NTM: variants seen among roughly 807,000 people sequenced by gnomAD.
NTM encodes the protein IgLON family member 2.
NTM carries 13 observed loss-of-function variants against 42.1 expected under a neutral mutation model. The ratio of observed to expected loss-of-function variants is 0.31; its 90% CI spans 0.20 to 0.49. NTM has a LOEUF of 0.49. NTM is among the 20% of genes least tolerant of loss of function. NTM has a pLI of 0.99. For missense variants in NTM, 373 were observed against 452.8 expected, an observed-to-expected ratio of 0.82 and a Z score of 1.60; for synonymous variants, 187 against 179.2, an observed-to-expected ratio of 1.04 and a Z score of -0.35.
At chr11:131,437,472 G>A (rs993607183) in intron 1 of NTM, among the ~76,000 whole-genome samples, 4 of 152,154 alleles carry the variant, frequency 2.6e-5, no homozygotes, top group Non-Finnish European at 4.4e-5. Context: ...GTGCTCCTGT[G>A]TTGGGTGCAT....
chr11:131,945,155 T>C (rs1357511622), intron 2 of NTM, among the ~76,000 whole-genome samples: 1 of 152,240 alleles, frequency 6.6e-6, no homozygotes, highest in African/African-American at 2.4e-5. Flanking sequence ...ATTCACAAAA[T>C]TGCATAAGTC....
intron 1 of NTM, among the ~76,000 whole-genome samples, chr11:131,818,289 G>C (rs1282908785): frequency 6.6e-6 from 1 of 152,048 alleles, no homozygotes; most frequent in Non-Finnish European, 1.5e-5. Context: ...ATTGACTTTG[G>C]GAAATAGGTA....
chr11:131,996,692 C>T (rs1158454278), intron 2 of NTM, among the ~76,000 whole-genome samples: 2 of 150,904 alleles, frequency 1.3e-5, no homozygotes, highest in East Asian at 2.0e-4. Flanking sequence ...CGTCTTCATA[C>T]TTGCTTTACC....
At chr11:131,490,228 C>T (rs955477470) in intron 1 of NTM, among the ~76,000 whole-genome samples, 2 of 152,210 alleles carry the variant, frequency 1.3e-5, no homozygotes, top group Non-Finnish European at 2.9e-5. Flanking sequence ...CAAATGTCAA[C>T]ATGAGGCGTG....
At chr11:131,843,402 GT>G (rs1342743336) in intron 1 of NTM, among the ~76,000 whole-genome samples, 1 of 152,108 alleles carries the variant, frequency 6.6e-6, no homozygotes, top group Non-Finnish European at 1.5e-5. Flanking sequence ...TACTTGCCTT[GT>G]TTATGTAACT....
chr11:131,822,815 C>T (rs1366503036), intron 1 of NTM, among the ~76,000 whole-genome samples: 3 of 149,652 alleles, frequency 2.0e-5, no homozygotes, highest in African/African-American at 2.5e-5. Context: ...GGGTTTTCAA[C>T]GTTCAAGGAC....
intron 1 of NTM, among the ~76,000 whole-genome samples, chr11:131,544,711 AG>A (rs1370533157): frequency 6.6e-6 from 1 of 152,144 alleles, no homozygotes; most frequent in Non-Finnish European, 1.5e-5. Context: ...CTAAAGTTGG[AG>A]AATGTTTTAT....
chr11:131,497,729 T>G (rs891436990), intron 1 of NTM, among the ~76,000 whole-genome samples: 14 of 152,220 alleles, frequency 9.2e-5, no homozygotes, highest in African/African-American at 3.4e-4. Context: ...TATCAGTATG[T>G]TCAGCTTCCC....
chr11:131,729,363 G>A (rs1054773245), intron 1 of NTM, among the ~76,000 whole-genome samples: 1 of 152,100 alleles, frequency 6.6e-6, no homozygotes, highest in African/African-American at 2.4e-5. Context: ...AATGAAGATG[G>A]GATGTCGAAA....
chr11:131,460,785 C>T (rs1281177883), intron 1 of NTM, among the ~76,000 whole-genome samples: 1 of 152,150 alleles, frequency 6.6e-6, no homozygotes, highest in Non-Finnish European at 1.5e-5. Context: ...AACTCCTGAC[C>T]TCAAATGATC....
At chr11:131,765,702 C>T (rs2084989026) in intron 1 of NTM, among the ~76,000 whole-genome samples, 1 of 152,214 alleles carries the variant, frequency 6.6e-6, no homozygotes, top group Admixed American at 6.5e-5. Flanking sequence ...CCGGGCCCGG[C>T]TTCACAGTCA....
intron 1 of NTM, among the ~76,000 whole-genome samples, chr11:131,808,606 G>A (rs1247730664): frequency 6.6e-6 from 1 of 152,238 alleles, no homozygotes; most frequent in Non-Finnish European, 1.5e-5. Context: ...TGGACCAGGT[G>A]TTGGTCCGGG....
intron 1 of NTM, among the ~76,000 whole-genome samples, chr11:131,887,416 T>C (rs1451723229): frequency 2.6e-5 from 4 of 152,208 alleles, no homozygotes; most frequent in Non-Finnish European, 5.9e-5. Context: ...CCTTGTGGGC[T>C]TCTTTCTGGC....
intron 1 of NTM, among the ~76,000 whole-genome samples, chr11:131,899,552 A>T (rs2052809451): frequency 6.6e-6 from 1 of 152,216 alleles, no homozygotes; most frequent in African/African-American, 2.4e-5. Context: ...ACATAAATTC[A>T]GATGTCCGAG....
At chr11:132,317,025 G>C (rs186526376) in intron 7 of NTM, among the ~76,000 whole-genome samples, 3 of 152,170 alleles carry the variant, frequency 2.0e-5, no homozygotes, top group Non-Finnish European at 4.4e-5. Context: ...TAAACTGCAC[G>C]CTCTCTCCAA....
At chr11:131,878,805 C>T (rs908331889) in intron 1 of NTM, among the ~76,000 whole-genome samples, 57 of 151,486 alleles carry the variant, frequency 3.8e-4, no homozygotes, top group Non-Finnish European at 6.8e-4. Flanking sequence ...GCTGATGCTG[C>T]ACTCATGAGT....
intron 2 of NTM, among the ~76,000 whole-genome samples, chr11:131,930,805 C>G (rs962741722): frequency 8.5e-5 from 13 of 152,142 alleles, no homozygotes; most frequent in Non-Finnish European, 1.9e-4. Context: ...TATTCTCCTT[C>G]AAATGTTTTT....
intron 6 of NTM, among the ~76,000 whole-genome samples, chr11:132,312,983 A>G (rs907591852): frequency 6.6e-6 from 1 of 152,178 alleles, no homozygotes; most frequent in Non-Finnish European, 1.5e-5. Context: ...CTACATAATG[A>G]AAAGCAAGGC....
intron 3 of NTM, among the ~76,000 whole-genome samples, chr11:132,161,588 G>A (rs887748038): frequency 1.3e-5 from 2 of 151,636 alleles, no homozygotes; most frequent in South Asian, 2.1e-4. Context: ...GGGCTCATGC[G>A]TCCTCCAATT....
Sources: allele counts gnomAD v4.1 joint callset (sites outside exome capture counted in the v4.1 genomes callset), GRCh38; gene constraint gnomAD v4.1.1; transcripts MANE v1.5; gene names NCBI Gene and HGNC (gene_info 2026-07-23, HGNC 2026-07-21).